Variants in NXPE1 observed in about 807,000 individuals in gnomAD.
NXPE1 encodes the protein NXPE family member 1.
Under a neutral mutation model 33.3 loss-of-function variants are expected in NXPE1, and 31 were observed. That is an observed-to-expected ratio of 0.93 (90% CI 0.70 to 1.26). The LOEUF (loss-of-function observed/expected upper bound fraction) is 1.26. Among genes scored for constraint, NXPE1 ranks in the 50% most tolerant of loss-of-function variants. The pLI is 0.00. For synonymous variants in NXPE1, 229 were observed against 231.4 expected (o/e 0.99, Z 0.09); for missense variants, 661 against 655.6 (o/e 1.01, Z -0.09).
chr11:114,533,754 G>T (rs546429190), intron 5 of NXPE1, among the ~76,000 whole-genome samples: 1 of 152,358 alleles, frequency 6.6e-6, no homozygotes, highest in South Asian at 2.1e-4. Flanking sequence ...ACCCACCATT[G>T]CTCAGGCTTG....
intron 7 of NXPE1, chr11:114,526,654 C>T (rs1947377888): frequency 1.3e-5 from 2 of 152,174 alleles, no homozygotes; most frequent in East Asian, 1.9e-4. Flanking sequence ...ACAATATGCT[C>T]ACCCCATTGG....
At chr11:114,536,497 G>GT (rs1423845536) in intron 5 of NXPE1, among the ~76,000 whole-genome samples, 1 of 152,094 alleles carries the variant, frequency 6.6e-6, no homozygotes, top group African/African-American at 2.4e-5. Flanking sequence ...CCAGGAGCTG[G>GT]TTTTTTGAAA....
Position 114,558,204 on chromosome 11 carries a change from A to ATG in NXPE1, c.-211+1592_-211+1593dup, listed in dbSNP as rs1204174485. 2.6e-5 allele frequency among the ~76,000 whole-genome samples: 4 copies of ATG among 152,002 alleles called. No individual in the cohort carries two copies. The East Asian group carries it at 5.8e-4, about 22-fold the overall frequency. On this transcript the variant is annotated intron_variant, in intron 1 of 8. Transcript: ENST00000534921. ...TACACACATCTATGTATATGTGTTT[A>ATG]TGTGTGTGTGTATATATATATCCAT...
intron 5 of NXPE1, among the ~76,000 whole-genome samples, chr11:114,540,119 C>T (rs1372029754): frequency 6.6e-6 from 1 of 152,190 alleles, no homozygotes; most frequent in Non-Finnish European, 1.5e-5. Context: ...TCATGCCTGA[C>T]TAATTTTTTC....
chr11:114,544,080 T>A (rs1221286937), intron 5 of NXPE1, among the ~76,000 whole-genome samples: 1 of 152,156 alleles, frequency 6.6e-6, no homozygotes, highest in Non-Finnish European at 1.5e-5. Context: ...GAAGAAATTT[T>A]AAAAAATCTA....
intron 5 of NXPE1, 31 bp downstream of exon 5, chr11:114,551,072 G>T: frequency 8.2e-7 from 1 of 1,220,616 alleles, no homozygotes; most frequent in Non-Finnish European, 1.2e-6. Context: ...GGCTTACTGT[G>T]TGATCTGCAT....
intron 5 of NXPE1, among the ~76,000 whole-genome samples, chr11:114,532,180 A>C (rs751012426): frequency 3.3e-5 from 5 of 152,242 alleles, no homozygotes; most frequent in Non-Finnish European, 7.3e-5. Context: ...ACAAACTGGC[A>C]GAGTAAGCCA....
intron 7 of NXPE1, among the ~76,000 whole-genome samples, chr11:114,525,861 T>A (rs1290692657): frequency 6.6e-6 from 1 of 152,204 alleles, no homozygotes; most frequent in East Asian, 1.9e-4. Flanking sequence ...CTTTGGAAGT[T>A]AATCCACTGG....
chr11:114,546,459 T>G (rs6589440), intron 5 of NXPE1, among the ~76,000 whole-genome samples: 3,169 of 126,516 alleles, frequency 0.025, 115 homozygotes, highest in African/African-American at 0.1. Flanking sequence ...CATATATATA[T>G]TTTTTCTTTT....
chr11:114,558,401 A>G (rs1441040621), intron 1 of NXPE1, among the ~76,000 whole-genome samples: 2 of 152,128 alleles, frequency 1.3e-5, no homozygotes, highest in Non-Finnish European at 2.9e-5. Context: ...TTGTTTTCAT[A>G]GTTAGTTTCA....
chr11:114,531,891 T>C (rs1947598915), intron 5 of NXPE1, among the ~76,000 whole-genome samples: 1 of 152,222 alleles, frequency 6.6e-6, no homozygotes, highest in Non-Finnish European at 1.5e-5. Context: ...TTTCCAATCT[T>C]GCTGGTAGTC....
At chr11:114,534,982 A>C (rs572130273) in intron 5 of NXPE1, among the ~76,000 whole-genome samples, 1 of 152,152 alleles carries the variant, frequency 6.6e-6, no homozygotes, top group Non-Finnish European at 1.5e-5. Context: ...ATAATTGTCA[A>C]ATTCACCAAA....
chr11:114,529,340 T>C (rs1319519960), intron 6 of NXPE1: 1 of 152,438 alleles, frequency 6.6e-6, no homozygotes, highest in African/African-American at 2.4e-5. Flanking sequence ...AGTTCTGGGA[T>C]TTGTGATAAC....
rs182565325 is a variant in NXPE1, at chr11:114,535,286, A to G, written c.100-4378T>C. Among the ~76,000 whole-genome samples the G allele has an allele frequency of 9.3e-3, 1,420 of 152,352 alleles. 23 individuals are homozygous for G. Among genetic ancestry groups the G allele is most frequent in the African/African-American group, 0.031 (1,286 of 41,586 alleles). On this transcript the variant is annotated intron_variant, in intron 5 of 8. Coordinates refer to ENST00000534921, the Ensembl canonical transcript of NXPE1. ...TAAAAGAGCTCCTGAAGGAAGCACTAAACATGGAAAGGAGCAACCGGTACC... is the reference window on the plus strand; with the variant it reads ...TAAAAGAGCTCCTGAAGGAAGCACTGAACATGGAAAGGAGCAACCGGTACC...
chr11:114,541,032 T>A (rs548551351), intron 5 of NXPE1, among the ~76,000 whole-genome samples: 2 of 152,088 alleles, frequency 1.3e-5, no homozygotes, highest in South Asian at 4.2e-4. Flanking sequence ...GGCACACCTG[T>A]GGGGTAGACC....
intron 7 of NXPE1, among the ~76,000 whole-genome samples, chr11:114,523,845 T>A (rs1005788914): frequency 1.3e-5 from 2 of 152,220 alleles, no homozygotes; most frequent in African/African-American, 2.4e-5. Flanking sequence ...TATTTTAGGA[T>A]TTGTTATATC....
chr11:114,550,885 A>G (rs998679872), intron 5 of NXPE1, among the ~76,000 whole-genome samples: 1 of 152,178 alleles, frequency 6.6e-6, no homozygotes, highest in African/African-American at 2.4e-5. Flanking sequence ...TGCAAGGTCA[A>G]ATCCTAATTG....
chr11:114,551,800 G>C (rs1332199912), intron 3 of NXPE1, among the ~76,000 whole-genome samples, 174 bp downstream of exon 3: 2 of 152,056 alleles, frequency 1.3e-5, no homozygotes, highest in African/African-American at 2.4e-5. Flanking sequence ...GTGAGGAAGG[G>C]GGAAGAAGGA....
intron 6 of NXPE1, chr11:114,529,834 C>G (rs1341061453): frequency 4.3e-6 from 1 of 230,452 alleles, no homozygotes; most frequent in Non-Finnish European, 8.5e-6. Context: ...GGAAATGGAT[C>G]AACGCAAAGA....
Sources: gnomAD v4.1 joint callset for allele counts (sites outside exome capture counted in the v4.1 genomes callset) on GRCh38, gnomAD v4.1.1 for gene constraint, MANE v1.5 for transcripts, NCBI Gene and HGNC (gene_info 2026-07-23, HGNC 2026-07-21) for gene names.